The following ADD2 variants were observed in gnomAD, a reference collection of about 807,000 sequenced individuals.
ADD2 encodes adducin 2.
Under a neutral mutation model 83.0 loss-of-function variants are expected in ADD2, and 23 were observed. The observed-to-expected ratio is 0.28, with a 90% CI of 0.20 to 0.39. ADD2 has a LOEUF of 0.39. Among genes scored for constraint, ADD2 ranks in the 10% least tolerant of loss-of-function variants. The pLI, the probability that ADD2 is intolerant of heterozygous loss-of-function variation, is 1.00. For synonymous variants in ADD2, 375 were observed against 375.4 expected (o/e 1.00, Z 0.01); for missense variants, 758 against 944.9 (o/e 0.80, Z 2.59).
At position 70,716,837 on chromosome 2, in the gene ADD2, A is replaced by G. The variant is rs1672494106; in HGVS notation, c.-153-3653T>C. Reference sequence around the variant, plus strand: ...CCCAAATCACCTCTTGTCTTGGTATATAACTGAGTGGCTGGCCCCTCAGCC... The same window carrying G: ...CCCAAATCACCTCTTGTCTTGGTATGTAACTGAGTGGCTGGCCCCTCAGCC... On this transcript the variant is annotated intron_variant, in intron 1 of 15. Transcript: ENST00000264436. Among the ~76,000 whole-genome samples, 4 of 152,192 alleles carry G rather than the reference A, an allele frequency of 2.6e-5. No homozygotes were observed. In the South Asian group the frequency reaches 6.2e-4, roughly 24 times the overall value.
At chr2:70,704,263 T>TGGCCCCCCCCCCCCCCCCCCCCACCCAC in intron 4 of ADD2, 58 bp downstream of exon 4, 1 of 913,236 alleles carries the variant, frequency 1.1e-6, no homozygotes. Context: ...CTCCCTCTCT[T>TGGCCCCCCCCCCCCCCCCCCCCACCCAC]CCCCACCCCA....
chr2:70,676,752 G>A lies in ADD2; in HGVS notation c.1593+44C>T, dbSNP rs1670167182. The A allele has an allele frequency of 6.2e-7, 1 of 1,613,742 alleles. No homozygotes were observed. The highest frequency in any genetic ancestry group is 1.3e-5 in the African/African-American group (1 of 74,932). ...AGCCCCAGGCACAGAAGACCCCGAAGGCAAACACGTTTCCCCGCCAGTCAG... is the reference window on the plus strand; with the variant it reads ...AGCCCCAGGCACAGAAGACCCCGAAAGCAAACACGTTTCCCCGCCAGTCAG... On this transcript the variant is annotated intron_variant, in intron 13 of 15. Transcript: ENST00000264436. The surrounding 1 kb of genome is among the most constrained non-coding windows in gnomAD (Gnocchi z 4.8).
chr2:70,754,937 C>T (rs1674695935), intron 1 of ADD2, among the ~76,000 whole-genome samples: 1 of 152,148 alleles, frequency 6.6e-6, no homozygotes, highest in African/African-American at 2.4e-5. Context: ...TCTCATGTAG[C>T]TTAAATTATC....
intron 1 of ADD2, among the ~76,000 whole-genome samples, chr2:70,714,454 A>G (rs965172707): frequency 5.9e-5 from 9 of 152,210 alleles, no homozygotes; most frequent in Non-Finnish European, 1.3e-4. Context: ...GGATACCTGC[A>G]CACCCACTAA....
Position 70,674,283 on chromosome 2 carries a change from G to A in ADD2, c.1741+395C>T, listed in dbSNP as rs529856936. 1.6e-4 allele frequency among the ~76,000 whole-genome samples: 25 copies of A among 152,286 alleles called. No homozygotes were observed. In the South Asian group the frequency reaches 4.1e-3, roughly 25 times the overall value. On this transcript the variant is annotated intron_variant, in intron 14 of 15. Coordinates refer to ENST00000264436, the MANE Select transcript of ADD2 (RefSeq NM_001617.4). ...ACTCAAGAATCTGAAATAAAGGAGC[G>A]AGAAAAAGACACAAAGGTGTCAGCT...
chr2:70,671,282 C>T (rs1299959972), intron 15 of ADD2, among the ~76,000 whole-genome samples: 1 of 152,116 alleles, frequency 6.6e-6, no homozygotes, highest in Non-Finnish European at 1.5e-5. Context: ...GCCCTACTGC[C>T]TGCAAACTCT....
At position 70,672,942 on chromosome 2, in the gene ADD2, C is replaced by T. The variant is rs782535457; in HGVS notation, c.1806G>A (p.Val602=). The change falls in exon 15 of 16, where the codon GTG becomes GTA. Residue 602 remains valine, a synonymous_variant. Coordinates refer to ENST00000264436, the MANE Select transcript of ADD2 (RefSeq NM_001617.4). ...TCTCTGCCTCCTTCGCTGGGCTCTG[C>T]ACTGGAGAAGCAGGTGCAGACTTTG... ...SPAKSAPASP[V]QSPAKEAETK... The T allele has an allele frequency of 2.0e-5, 33 of 1,613,862 alleles. No homozygotes were observed. The East Asian group carries it at 7.1e-4, about 35-fold the overall frequency.
chr2:70,695,700 G>A, intron 6 of ADD2, 21 bp downstream of exon 6: 1 of 1,608,522 alleles, frequency 6.2e-7, no homozygotes, highest in Non-Finnish European at 8.5e-7. Context: ...GGAGTGGGCA[G>A]TGATGCTGGA....
rs78023342 is a variant in ADD2 at position 70,763,495 on chromosome 2, C to T, written c.-154+4391G>A. On this transcript the variant is annotated intron_variant, in intron 1 of 15. Coordinates refer to ENST00000264436, the MANE Select transcript of ADD2 (RefSeq NM_001617.4). ...ACATCCCTTTTGGCAGAAAAAATTT[C>T]TCATGACCTCATGGTTGACCTAAGT... Among the ~76,000 whole-genome samples, 753 of 152,036 alleles carry T rather than the reference C, an allele frequency of 5.0e-3. 14 individuals are homozygous for T. The highest frequency in any genetic ancestry group is 0.037 in the East Asian group (192 of 5,188).
rs1265799371 is a variant in ADD2, at chr2:70,659,885, C to T, written c.*3540G>A. ...ATGGAAATAAGCTCAGAAACCTCTCCACTTCCCAGCTCAGCCAGCCACAGA... is the reference window on the plus strand; with the variant it reads ...ATGGAAATAAGCTCAGAAACCTCTCTACTTCCCAGCTCAGCCAGCCACAGA... On this transcript the variant is annotated 3_prime_UTR_variant, in exon 16 of 16. Coordinates refer to ENST00000264436, the MANE Select transcript of ADD2 (RefSeq NM_001617.4). 2 of 152,358 alleles carry T rather than the reference C, an allele frequency of 1.3e-5. No individual in the cohort carries two copies. Among genetic ancestry groups the T allele is most frequent in the East Asian group, 1.9e-4 (1 of 5,198 alleles). The allele number at this position is 152,358 out of a possible 1,614,324, so 9.4% of individuals were successfully genotyped here.
Position 70,767,936 on chromosome 2 carries a change from T to G in ADD2, c.-204A>C, listed in dbSNP as rs782450445. On this transcript the variant is annotated 5_prime_UTR_variant, in exon 1 of 16. Coordinates refer to ENST00000264436, the MANE Select transcript of ADD2 (RefSeq NM_001617.4). ...CCGGTCGGCCACTGCGGGTTGGTTT[T>G]GTTATTTTATGGGTTTGGGGGGTGG... 1 of 1,535,902 alleles carries G rather than the reference T, an allele frequency of 6.5e-7. No homozygotes were observed. The highest frequency in any genetic ancestry group is 1.2e-5 in the South Asian group (1 of 84,054).
intron 9 of ADD2, 137 bp from the exon 10 acceptor site, chr2:70,683,904 T>C: frequency 4.7e-6 from 4 of 848,104 alleles, no homozygotes; most frequent in Non-Finnish European, 6.9e-6. Flanking sequence ...CCACCCATAC[T>C]TGATGGGCAT....
chr2:70,761,766 G>A lies in ADD2; in HGVS notation c.-154+6120C>T, dbSNP rs1019922047. Among the ~76,000 whole-genome samples the A allele has an allele frequency of 6.0e-5, 9 of 150,764 alleles. No individual in the cohort carries two copies. The East Asian group carries it at 1.8e-3, about 30-fold the overall frequency. On this transcript the variant is annotated intron_variant, in intron 1 of 15. Transcript: ENST00000264436. ...GGCTCACTGCAAGCTCTGCCTCCCG[G>A]GTTCATGCCATTCTCCTGCCTCAGC...
At chr2:70,753,459 G>C (rs1553383300) in intron 1 of ADD2, among the ~76,000 whole-genome samples, 3 of 152,088 alleles carry the variant, frequency 2.0e-5, no homozygotes, top group Non-Finnish European at 2.9e-5. Context: ...GCAGAAAAGA[G>C]AAAAGCCAAT....
chr2:70,744,335 G>A (rs924980520), intron 1 of ADD2, among the ~76,000 whole-genome samples: 8 of 152,208 alleles, frequency 5.3e-5, no homozygotes, highest in Non-Finnish European at 1.0e-4. Flanking sequence ...AACACACATT[G>A]AAGTATTTAT....
chr2:70,754,021 AG>A (rs1262316973), intron 1 of ADD2, among the ~76,000 whole-genome samples: 3 of 152,158 alleles, frequency 2.0e-5, no homozygotes, highest in African/African-American at 7.2e-5. Context: ...AAAAGACAGA[AG>A]CCTTCTATCC....
intron 1 of ADD2, among the ~76,000 whole-genome samples, chr2:70,766,688 C>G (rs2104576741): frequency 6.6e-6 from 1 of 152,352 alleles, no homozygotes; most frequent in African/African-American, 2.4e-5. Flanking sequence ...TGCTTGCACC[C>G]TCTCCAATCC....
At chr2:70,730,011 A>G (rs1673202199) in intron 1 of ADD2, among the ~76,000 whole-genome samples, 1 of 152,268 alleles carries the variant, frequency 6.6e-6, no homozygotes, top group Admixed American at 6.5e-5. Context: ...CAACTCTGCA[A>G]AGTAGGTTTA....
chr2:70,726,225 A>C (rs1672996087), intron 1 of ADD2, among the ~76,000 whole-genome samples: 2 of 147,162 alleles, frequency 1.4e-5, no homozygotes. Flanking sequence ...ATGTATTGTC[A>C]TCAGCAGCAC....
Sources: gnomAD v4.1 joint callset for allele counts (sites outside exome capture counted in the v4.1 genomes callset) on GRCh38, gnomAD v4.1.1 for gene constraint, Gnocchi (gnomAD v3.1) non-coding constraint, MANE v1.5 for transcripts, NCBI Gene and HGNC (gene_info 2026-07-23, HGNC 2026-07-21) for gene names.